CHRM4: variants seen among roughly 807,000 people sequenced by gnomAD.
The protein encoded by CHRM4 is cholinergic receptor muscarinic 4.
Under a neutral mutation model 26.3 loss-of-function variants are expected in CHRM4, and 5 were observed. The observed-to-expected ratio is 0.19, with a 90% confidence interval of 0.10 to 0.40. CHRM4 has a LOEUF of 0.40. Ranked by LOEUF, CHRM4 falls within the 10% of genes least tolerant of loss-of-function variation. The probability of loss-of-function intolerance (pLI) is 1.00; values close to 1 mark genes in which losing one functional copy is unlikely to be tolerated. For missense variants in CHRM4, 402 were observed against 664.5 expected, an observed-to-expected ratio of 0.60 and a Z score of 4.34; for synonymous variants, 290 against 285.3, an observed-to-expected ratio of 1.02 and a Z score of -0.16.
Position 46,385,103 on chromosome 11 carries a change from G to A in CHRM4, c.*15C>T. The A allele has an allele frequency of 6.9e-6, 11 of 1,592,658 alleles. No homozygotes were observed. The highest frequency in any genetic ancestry group is 1.7e-5 in the Admixed American group (1 of 58,174). On this transcript the variant is annotated 3_prime_UTR_variant, in exon 2 of 2. Transcript: ENST00000682254. The surrounding 1 kb of genome is among the most constrained non-coding windows in gnomAD (Gnocchi z 6.3). Reference sequence around the variant, plus strand: ...CGCACGCAACACCAGCACCTCCTAGGGCACTCCTGCCTGCCTACCTGGCAG... The same window carrying A: ...CGCACGCAACACCAGCACCTCCTAGAGCACTCCTGCCTGCCTACCTGGCAG...
rs774099897 is a variant in CHRM4, at chr11:46,386,515, A to G, written c.43T>C (p.Ser15Pro). Residue 15 changes from serine (S) to proline (P), a missense_variant, in exon 2 of 2, where the codon TCC (serine) becomes CCC (proline). Physicochemically the swap from Ser to Pro is moderately conservative, Grantham distance 74. Transcript: ENST00000682254. This position sits in a 1 kb window ranked among gnomAD's most constrained non-coding sequence, Gnocchi z 5.8. Reference sequence around the variant, plus strand: ...GATGATGACGTGACCAGGCGCACGGACTGATTGCCCGAGCTGCCATTGACA... The same window carrying G: ...GATGATGACGTGACCAGGCGCACGGGCTGATTGCCCGAGCTGCCATTGACA... ...TPVNGSSGNQ[S>P]VRLVTSSSHN... is the part of the protein sequence containing the mutation. The G allele has an allele frequency of 6.2e-7, 1 of 1,612,932 alleles. No homozygotes were observed. The highest frequency in any genetic ancestry group is 8.5e-7 in the Non-Finnish European group (1 of 1,179,466).
chr11:46,384,953 A>G lies in CHRM4; in HGVS notation c.*165T>C. The G allele has an allele frequency of 8.9e-7, 1 of 1,123,918 alleles. No individual in the cohort carries two copies. The highest frequency in any genetic ancestry group is 1.2e-6 in the Non-Finnish European group (1 of 815,764). 69.6% of individuals were successfully genotyped at this position (1,123,918 alleles called of 1,614,324 possible). ...TGGGGTGAGCCTCCTCAGCCTGAGC[A>G]GAGATCTGGTCTCTGAATGCAGCCA... On this transcript the variant is annotated 3_prime_UTR_variant, in exon 2 of 2. Transcript: ENST00000682254.
At position 46,386,890 on chromosome 11, in the gene CHRM4, T is replaced by G. The variant is rs922858277; in HGVS notation, c.-29-304A>C. ...AAAAAAAGGCAGGGTGATGAGAGAG[T>G]GAGTCAGAAGGCAGGACAGGCATGA... is the stretch of plus-strand genomic sequence containing the variant. On this transcript the variant is annotated intron_variant, in intron 1 of 1. Coordinates refer to ENST00000682254, the MANE Select transcript of CHRM4 (RefSeq NM_000741.5). The surrounding 1 kb of genome is among the most constrained non-coding windows in gnomAD (Gnocchi z 5.8). 2.0e-5 allele frequency among the ~76,000 whole-genome samples: 3 copies of G among 150,814 alleles called. No homozygotes were observed. The highest frequency in any genetic ancestry group is 4.9e-5 in the African/African-American group (2 of 40,874).
rs1030181904 is a variant in CHRM4 at position 46,391,596 on chromosome 11, C to T, written c.-95G>A. 1.3e-5 allele frequency among the ~76,000 whole-genome samples: 2 copies of T among 151,812 alleles called. No individual in the cohort carries two copies. Among genetic ancestry groups the T allele is most frequent in the Non-Finnish European group, 2.9e-5 (2 of 67,890 alleles). ...CTCTTCCCGGCGAGCCCCCCGCCCCCGCGCCGCCGCGGAGCCACTTACCCG... is the reference window on the plus strand; with the variant it reads ...CTCTTCCCGGCGAGCCCCCCGCCCCTGCGCCGCCGCGGAGCCACTTACCCG... On this transcript the variant is annotated 5_prime_UTR_variant, in exon 1 of 2. Transcript: ENST00000682254. This position sits in a 1 kb window ranked among gnomAD's most constrained non-coding sequence, Gnocchi z 6.3.
rs746953631 is a variant in CHRM4, at chr11:46,385,636, G to A, written c.922C>T (p.Arg308Cys). 3.9e-6 allele frequency: 6 copies of A among 1,533,162 alleles called. No homozygotes were observed. Among genetic ancestry groups the A allele is most frequent in the South Asian group, 1.3e-5 (1 of 79,150 alleles). The allele number at this position is 1,533,162 out of a possible 1,614,324, so 95.0% of individuals were successfully genotyped here. A position where few individuals can be genotyped will look rare whatever the true frequency, so the allele number is the denominator to read the frequency against. ...GTGGTGGACAGCTCTGTGGCTGGGC[G>A]TTCCTTGGTGTTCTGGGTGGCACTG... ...SGSATQNTKERPATELSTTEA... is the reference protein window; with the variant it reads ...SGSATQNTKECPATELSTTEA... Residue 308 changes from arginine to cysteine, a missense_variant, in exon 2 of 2, where the codon CGC becomes TGC. Arg to Cys is a radical substitution (Grantham distance 180). This residue lies in a region of CHRM4 where 205 missense variants were observed against 244.0 expected (regional missense o/e 0.84). Coordinates refer to ENST00000682254, the MANE Select transcript of CHRM4 (RefSeq NM_000741.5). This position sits in a 1 kb window ranked among gnomAD's most constrained non-coding sequence, Gnocchi z 6.3.
rs950497846 is a variant in CHRM4 at position 46,384,125 on chromosome 11, T to C, written c.*993A>G. Reference sequence around the variant, plus strand: ...CATCTCAGCCTCACCCAGTCAAAGGTCTTTTGATACAACCCACAGCCAATC... The same window carrying C: ...CATCTCAGCCTCACCCAGTCAAAGGCCTTTTGATACAACCCACAGCCAATC... On this transcript the variant is annotated 3_prime_UTR_variant, in exon 2 of 2. Transcript: ENST00000682254. Among the ~76,000 whole-genome samples the C allele has an allele frequency of 3.9e-5, 6 of 151,994 alleles. No individual in the cohort carries two copies. The highest frequency in any genetic ancestry group is 1.5e-5 in the Non-Finnish European group (1 of 68,000).
chr11:46,390,714 C>T (rs769378432), intron 1 of CHRM4, among the ~76,000 whole-genome samples: 3 of 152,278 alleles, frequency 2.0e-5, no homozygotes, highest in Admixed American at 6.5e-5. Context: ...GGAGCCCTGG[C>T]TCTCGGGTGC....
Position 46,385,314 on chromosome 11 carries a change from G to C in CHRM4, c.1244C>G (p.Pro415Arg). The C allele has an allele frequency of 6.2e-7, 1 of 1,613,916 alleles. No homozygotes were observed. The highest frequency in any genetic ancestry group is 1.6e-4 in the Middle Eastern group (1 of 6,062). ...ILLAFILTWT[P>R]YNVMVLVNTF... ...GTTCACCAGGACCATGACGTTGTAG[G>C]GCGTCCAGGTGAGGATGAAGGCTAG... Residue 415 changes from proline to arginine, a missense_variant, in exon 2 of 2, where the codon CCC (proline) becomes CGC (arginine). Physicochemically the swap from Pro to Arg is moderately radical, Grantham distance 103. Coordinates refer to ENST00000682254, the MANE Select transcript of CHRM4 (RefSeq NM_000741.5). The surrounding 1 kb of genome is among the most constrained non-coding windows in gnomAD (Gnocchi z 6.3).
At position 46,385,545 on chromosome 11, in the gene CHRM4, C is replaced by T. The variant is rs1243872011; in HGVS notation, c.1013G>A (p.Arg338Lys). The part of the protein sequence containing the change: ...LQPRALNPAS[R>K]WSKIQIVTKQ... ...CGTCACAATCTGGATCTTGGACCAT[C>T]TGGAGGCTGGGTTGAGGGCCCGCGG... Residue 338 changes from arginine to lysine, a missense_variant, in exon 2 of 2, where the codon AGA becomes AAA. By Grantham distance (26) the Arg-to-Lys change is conservative. Coordinates refer to ENST00000682254, the MANE Select transcript of CHRM4 (RefSeq NM_000741.5). The surrounding 1 kb of genome is among the most constrained non-coding windows in gnomAD (Gnocchi z 6.3). The T allele has an allele frequency of 6.4e-7, 1 of 1,573,850 alleles. No individual in the cohort carries two copies. Among genetic ancestry groups the T allele is most frequent in the Non-Finnish European group, 8.7e-7 (1 of 1,153,850 alleles).
Position 46,384,829 on chromosome 11 carries a change from T to G in CHRM4, c.*289A>C, listed in dbSNP as rs2136547467. ...CCATTCTTCCAGCACTGCTGATGGT[T>G]GGTCACAGTGGGGCAGGTGCCCACC... is the stretch of plus-strand genomic sequence containing the variant. On this transcript the variant is annotated 3_prime_UTR_variant, in exon 2 of 2. Coordinates refer to ENST00000682254, the MANE Select transcript of CHRM4 (RefSeq NM_000741.5). Among the ~76,000 whole-genome samples the G allele has an allele frequency of 6.6e-6, 1 of 152,322 alleles. No homozygotes were observed. Among genetic ancestry groups the G allele is most frequent in the Non-Finnish European group, 1.5e-5 (1 of 68,028 alleles).
intron 1 of CHRM4, among the ~76,000 whole-genome samples, chr11:46,387,617 T>A (rs1392430096): frequency 2.6e-5 from 4 of 152,122 alleles, no homozygotes; most frequent in African/African-American, 9.7e-5. Flanking sequence ...AGGAAGGCAG[T>A]CCCGTAACTT....
Position 46,386,384 on chromosome 11 carries a change from C to G in CHRM4, c.174G>C (p.Lys58Asn), listed in dbSNP as rs761450770. The change falls in exon 2 of 2, where the codon AAG becomes AAC. Residue 58 changes from lysine (K) to asparagine (N), a missense_variant. Physicochemically the swap from Lys to Asn is moderately conservative, Grantham distance 94. Transcript: ENST00000682254. The surrounding 1 kb of genome is among the most constrained non-coding windows in gnomAD (Gnocchi z 5.8). ...TGACTGTCTGCAGCTGCCTGTTGACCTTGATGGACAGCATCACCAGGATGT... is the reference window on the plus strand; with the variant it reads ...TGACTGTCTGCAGCTGCCTGTTGACGTTGATGGACAGCATCACCAGGATGT... ...VGNILVMLSI[K>N]VNRQLQTVNN... The G allele has an allele frequency of 6.2e-7, 1 of 1,614,020 alleles. No individual in the cohort carries two copies. Among genetic ancestry groups the G allele is most frequent in the Non-Finnish European group, 8.5e-7 (1 of 1,179,940 alleles).
Position 46,385,449 on chromosome 11 carries a change from G to A in CHRM4, c.1109C>T (p.Ala370Val), listed in dbSNP as rs200461648. ...VPATPAGMRP[A>V]ANVARKFASI... The stretch of plus-strand genomic sequence containing the variant: ...GGCGAACTTGCGGGCCACGTTGGCC[G>A]CAGGGCGCATGCCAGCCGGCGTGGC... The change falls in exon 2 of 2, where the codon GCG becomes GTG. Residue 370 changes from alanine (A) to valine (V), a missense_variant. By Grantham distance (64) the Ala-to-Val change is moderately conservative. Transcript: ENST00000682254. This position sits in a 1 kb window ranked among gnomAD's most constrained non-coding sequence, Gnocchi z 6.3. The A allele has an allele frequency of 1.7e-5, 28 of 1,606,278 alleles. No homozygotes were observed. Among genetic ancestry groups the A allele is most frequent in the South Asian group, 5.5e-5 (5 of 90,920 alleles).
rs1396911300 is a variant in CHRM4, at chr11:46,384,313, G to A, written c.*805C>T. ...GGCCTCCACCCTGCAGAAGCCAGGG[G>A]GTGAGAGGTTTGAAGAGGGCAGATG... On this transcript the variant is annotated 3_prime_UTR_variant, in exon 2 of 2. Coordinates refer to ENST00000682254, the MANE Select transcript of CHRM4 (RefSeq NM_000741.5). 1.3e-5 allele frequency among the ~76,000 whole-genome samples: 2 copies of A among 152,240 alleles called. No individual in the cohort carries two copies. The highest frequency in any genetic ancestry group is 2.9e-5 in the Non-Finnish European group (2 of 68,046).
At position 46,386,109 on chromosome 11, in the gene CHRM4, C is replaced by A; in HGVS notation, c.449G>T (p.Gly150Val). Residue 150 changes from glycine (G) to valine (V), a missense_variant, in exon 2 of 2, where the codon GGC becomes GTC. Physicochemically the swap from Gly to Val is moderately radical, Grantham distance 109. Transcript: ENST00000682254. The surrounding 1 kb of genome is among the most constrained non-coding windows in gnomAD (Gnocchi z 5.8). The part of the protein sequence containing the change: ...YPARRTTKMA[G>V]LMIAAAWVLS... ...TACCCAGGCAGCAGCAATCATGAGGCCTGCCATCTTGGTGGTGCGCCGGGC... is the reference window on the plus strand; with the variant it reads ...TACCCAGGCAGCAGCAATCATGAGGACTGCCATCTTGGTGGTGCGCCGGGC... The A allele has an allele frequency of 1.2e-6, 2 of 1,613,470 alleles. No homozygotes were observed. Among genetic ancestry groups the A allele is most frequent in the Non-Finnish European group, 1.7e-6 (2 of 1,179,770 alleles).
intron 1 of CHRM4, among the ~76,000 whole-genome samples, chr11:46,389,610 C>A (rs959876020): frequency 6.6e-6 from 1 of 152,198 alleles, no homozygotes; most frequent in Non-Finnish European, 1.5e-5. Flanking sequence ...GGACCTAGAC[C>A]GTGCGGCCGC....
Position 46,386,094 on chromosome 11 carries a change from G to A in CHRM4, c.464C>T (p.Ala155Val), listed in dbSNP as rs755134398. 2 of 1,613,314 alleles carry A rather than the reference G, an allele frequency of 1.2e-6. No homozygotes were observed. The highest frequency in any genetic ancestry group is 1.3e-5 in the African/African-American group (1 of 74,928). Residue 155 changes from alanine to valine, a missense_variant, in exon 2 of 2, where the codon GCT becomes GTT. Around this residue, in one of 5 missense-constraint regions of CHRM4, gnomAD observed 48 missense variants for 129.1 expected, o/e 0.37. Coordinates refer to ENST00000682254, the MANE Select transcript of CHRM4 (RefSeq NM_000741.5). The surrounding 1 kb of genome is among the most constrained non-coding windows in gnomAD (Gnocchi z 5.8). ...GAGCACGAAGGACAGTACCCAGGCA[G>A]CAGCAATCATGAGGCCTGCCATCTT... ...TTKMAGLMIA[A>V]AWVLSFVLWA... is the part of the protein sequence containing the mutation.
rs1248863002 is a variant in CHRM4, at chr11:46,386,074, C to T, written c.484G>A (p.Val162Met). ...AACAAGATGGCAGGCGCCCAGAGCA[C>T]GAAGGACAGTACCCAGGCAGCAGCA... is the stretch of plus-strand genomic sequence containing the variant. ...MIAAAWVLSFVLWAPAILFWQ... is the reference protein window; with the variant it reads ...MIAAAWVLSFMLWAPAILFWQ... Residue 162 changes from valine to methionine, a missense_variant, in exon 2 of 2, where the codon GTG (valine) becomes ATG (methionine). Around this residue, in one of 5 missense-constraint regions of CHRM4, gnomAD observed 48 missense variants for 129.1 expected, o/e 0.37. Coordinates refer to ENST00000682254, the MANE Select transcript of CHRM4 (RefSeq NM_000741.5). The surrounding 1 kb of genome is among the most constrained non-coding windows in gnomAD (Gnocchi z 5.8). 6.2e-6 allele frequency: 10 copies of T among 1,613,144 alleles called. No individual in the cohort carries two copies. The highest frequency in any genetic ancestry group is 1.6e-4 in the Middle Eastern group (1 of 6,084).
Position 46,391,741 on chromosome 11 carries a change from G to C in CHRM4, c.-240C>G, listed in dbSNP as rs1489825587. On this transcript the variant is annotated 5_prime_UTR_variant, in exon 1 of 2. Transcript: ENST00000682254. This position sits in a 1 kb window ranked among gnomAD's most constrained non-coding sequence, Gnocchi z 6.3. The stretch of plus-strand genomic sequence containing the variant: ...GGGCGGGGACGGGGTGTCGAGGGGC[G>C]GCCCCTGCTCCGCCCGCAGCTCCCG... 6.7e-6 allele frequency among the ~76,000 whole-genome samples: 1 copy of C among 149,776 alleles called. No homozygotes were observed. The highest frequency in any genetic ancestry group is 1.5e-5 in the Non-Finnish European group (1 of 67,154).
Sources: gnomAD v4.1 joint callset for allele counts (sites outside exome capture counted in the v4.1 genomes callset) on GRCh38, gnomAD v4.1.1 for gene constraint, gnomAD v4.1.1 regional missense constraint, Gnocchi (gnomAD v3.1) non-coding constraint, MANE v1.5 for transcripts, NCBI Gene and HGNC (gene_info 2026-07-23, HGNC 2026-07-21) for gene names.